PDS5A: variants seen among roughly 807,000 people sequenced by gnomAD.
PDS5A encodes PDS5 cohesin associated factor A.
Under a neutral mutation model 167.1 loss-of-function variants are expected in PDS5A, and 42 were observed. That is an observed-to-expected ratio of 0.25 (90% CI 0.20 to 0.33). PDS5A has a LOEUF of 0.33. Ranked by LOEUF, PDS5A falls within the 10% of genes least tolerant of loss-of-function variation. The pLI is 1.00. For missense variants in PDS5A, 1,033 were observed against 1,605.9 expected, an observed-to-expected ratio of 0.64 and a Z score of 6.10; for synonymous variants, 553 against 554.6, an observed-to-expected ratio of 1.00 and a Z score of 0.04.
At chr4:39,877,831 C>A (rs545795064) in intron 18 of PDS5A, among the ~76,000 whole-genome samples, 1 of 152,008 alleles carries the variant, frequency 6.6e-6, no homozygotes, top group Non-Finnish European at 1.5e-5. Context: ...GGTCTCCAAC[C>A]CCTGTGCTCA....
chr4:39,968,641 A>T (rs1379215505), intron 2 of PDS5A, among the ~76,000 whole-genome samples: 1 of 151,740 alleles, frequency 6.6e-6, no homozygotes, highest in Non-Finnish European at 1.5e-5. Flanking sequence ...CACGTTGGTC[A>T]GGCTGGTCTC....
chr4:39,925,886 A>C lies in PDS5A; in HGVS notation c.477T>G (p.Asp159Glu). 1 of 1,518,938 alleles carries C rather than the reference A, an allele frequency of 6.6e-7. No homozygotes were observed. Among genetic ancestry groups the C allele is most frequent in the Non-Finnish European group, 9.0e-7 (1 of 1,110,464 alleles). 94.1% of individuals were successfully genotyped at this position (1,518,938 alleles called of 1,614,324 possible). A position where few individuals can be genotyped will look rare whatever the true frequency, so the allele number is the denominator to read the frequency against. Residue 159 changes from aspartate (D) to glutamate (E), a missense_variant, in exon 5 of 33, where the codon GAT becomes GAG. Transcript: ENST00000303538. Reference sequence around the variant, plus strand: ...AAAGCTGAATAAAAATTTCATTGCAATCTTCCAATTCAAAGCAGATGTTAT... The same window carrying C: ...AAAGCTGAATAAAAATTTCATTGCACTCTTCCAATTCAAAGCAGATGTTAT... ...KSYNICFELEDCNEIFIQLFR... is the reference protein window; with the variant it reads ...KSYNICFELEECNEIFIQLFR...
intron 6 of PDS5A, among the ~76,000 whole-genome samples, chr4:39,922,087 A>G (rs1008489716): frequency 2.6e-5 from 4 of 152,196 alleles, no homozygotes; most frequent in Non-Finnish European, 4.4e-5. Flanking sequence ...AGGGCAGCCA[A>G]GTCCTTCAGA....
intron 3 of PDS5A, among the ~76,000 whole-genome samples, 152 bp from the exon 4 acceptor site, chr4:39,927,013 A>G (rs908663779): frequency 6.6e-6 from 1 of 152,212 alleles, no homozygotes. Context: ...TCCATTATTC[A>G]AAATGATTCA....
At position 39,890,431 on chromosome 4, in the gene PDS5A, T is replaced by C. The variant is rs181488922; in HGVS notation, c.1771-67A>G. The C allele has an allele frequency of 9.4e-6, 8 of 850,312 alleles. No homozygotes were observed. In the Admixed American group the frequency reaches 1.5e-4, roughly 16 times the overall value. 52.7% of individuals were successfully genotyped at this position (850,312 alleles called of 1,614,324 possible). On this transcript the variant is annotated intron_variant, in intron 16 of 32. Transcript: ENST00000303538. ...TCATATTTTTGAAAAGAAAAATGACTAAGGAACTGAAATATTCAAAACCAG... is the reference window on the plus strand; with the variant it reads ...TCATATTTTTGAAAAGAAAAATGACCAAGGAACTGAAATATTCAAAACCAG...
At chr4:39,904,292 C>A in intron 11 of PDS5A, 101 bp from the exon 12 acceptor site, 1 of 606,304 alleles carries the variant, frequency 1.6e-6, no homozygotes, top group South Asian at 3.7e-5. Flanking sequence ...CTTATGTGTG[C>A]CTTTATAAAC....
intron 22 of PDS5A, among the ~76,000 whole-genome samples, chr4:39,867,771 CACA>C (rs771921411): frequency 0.047 from 6,379 of 134,996 alleles, 270 homozygotes; most frequent in African/African-American, 0.13. Flanking sequence ...CACACACACA[CACA>C]CCCCACAACT....
At chr4:39,925,974 C>T (rs1243522905) in intron 4 of PDS5A, 41 bp from the exon 5 acceptor site, 3 of 615,342 alleles carry the variant, frequency 4.9e-6, no homozygotes, top group Non-Finnish European at 7.6e-6. Context: ...TACATATATA[C>T]AGAATAGTTA....
chr4:39,863,186 A>G lies in PDS5A; in HGVS notation c.2767-113T>C. On this transcript the variant is annotated intron_variant, in intron 24 of 32. Transcript: ENST00000303538. Reference sequence around the variant, plus strand: ...AGAAGATAATTATATGGGAGAATAAATAATGTAATAATTGGAAGACAGTTA... The same window carrying G: ...AGAAGATAATTATATGGGAGAATAAGTAATGTAATAATTGGAAGACAGTTA... The G allele has an allele frequency of 1.9e-5, 18 of 935,592 alleles. No homozygotes were observed. In the South Asian group the frequency reaches 3.0e-4, roughly 15 times the overall value. 58.0% of individuals were successfully genotyped at this position (935,592 alleles called of 1,614,324 possible). A position where few individuals can be genotyped will look rare whatever the true frequency, so the allele number is the denominator to read the frequency against.
At chr4:39,949,343 G>A (rs955114589) in intron 2 of PDS5A, among the ~76,000 whole-genome samples, 7 of 150,176 alleles carry the variant, frequency 4.7e-5, no homozygotes, top group African/African-American at 1.7e-4. Flanking sequence ...ATGACTGGGC[G>A]AAATGTTATG....
At chr4:39,946,403 G>A (rs1227400389) in intron 2 of PDS5A, among the ~76,000 whole-genome samples, 2 of 151,896 alleles carry the variant, frequency 1.3e-5, no homozygotes, top group Non-Finnish European at 2.9e-5. Flanking sequence ...AGCAGACAGT[G>A]GCAGAGAAGC....
At chr4:39,877,222 C>A in intron 18 of PDS5A, 69 bp from the exon 19 acceptor site, 2 of 971,066 alleles carry the variant, frequency 2.1e-6, no homozygotes, top group Admixed American at 2.8e-5. Context: ...AATTACTTCC[C>A]GCAAAAGAAA....
intron 2 of PDS5A, among the ~76,000 whole-genome samples, chr4:39,964,691 T>C (rs928829595): frequency 6.6e-6 from 1 of 151,908 alleles, no homozygotes; most frequent in African/African-American, 2.4e-5. Context: ...CAAGACTCCA[T>C]CTCAAAAAAT....
intron 2 of PDS5A, among the ~76,000 whole-genome samples, chr4:39,965,552 A>G (rs1030141943): frequency 5.3e-5 from 8 of 152,250 alleles, no homozygotes; most frequent in African/African-American, 1.7e-4. Flanking sequence ...ATACAATGGA[A>G]TATTATTCAG....
At chr4:39,845,908 A>G (rs889092192) in intron 28 of PDS5A, 28 bp from the exon 29 acceptor site, 2 of 1,320,580 alleles carry the variant, frequency 1.5e-6, no homozygotes, top group Non-Finnish European at 2.0e-6. Flanking sequence ...GAAAAAGAAA[A>G]AAGAAACACC....
Position 39,876,996 on chromosome 4 carries a change from C to T in PDS5A, c.2150G>A (p.Arg717Gln). Residue 717 changes from arginine to glutamine, a missense_variant, in exon 19 of 33, where the codon CGA becomes CAA. By Grantham distance (43) the Arg-to-Gln change is conservative (BLOSUM62 1). Coordinates refer to ENST00000303538, the MANE Select transcript of PDS5A (RefSeq NM_001100399.2). Reference sequence around the variant, plus strand: ...ACGGGAGAAAAAATGTACTCACGATCGTATCTGGGGAAGGTCTGTTTCTAT... The same window carrying T: ...ACGGGAGAAAAAATGTACTCACGATTGTATCTGGGGAAGGTCTGTTTCTAT... ...HKIETDLPQIRSTLIPILHQK... is the reference protein window; with the variant it reads ...HKIETDLPQIQSTLIPILHQK... 1 of 1,605,928 alleles carries T rather than the reference C, an allele frequency of 6.2e-7. No individual in the cohort carries two copies. Among genetic ancestry groups the T allele is most frequent in the Non-Finnish European group, 8.5e-7 (1 of 1,175,908 alleles).
In PDS5A at chr4:39,920,300, C is replaced by A; in HGVS notation, c.735+19G>T. 4 of 1,071,424 alleles carry A rather than the reference C, an allele frequency of 3.7e-6. No individual in the cohort carries two copies. The highest frequency in any genetic ancestry group is 2.5e-5 in the East Asian group (1 of 39,900). The allele number at this position is 1,071,424 out of a possible 1,614,324, so 66.4% of individuals were successfully genotyped here. A position where few individuals can be genotyped will look rare whatever the true frequency, so the allele number is the denominator to read the frequency against. On this transcript the variant is annotated intron_variant, in intron 7 of 32. Coordinates refer to ENST00000303538, the MANE Select transcript of PDS5A (RefSeq NM_001100399.2). ...TAAGAATTACAAAATATAGAATAAACATAGAAAGAAATACATACATTAGCA... is the reference window on the plus strand; with the variant it reads ...TAAGAATTACAAAATATAGAATAAAAATAGAAAGAAATACATACATTAGCA...
Position 39,824,622 on chromosome 4 carries a change from CATT to C in PDS5A, c.*860_*862del, listed in dbSNP as rs1306567662. On this transcript the variant is annotated 3_prime_UTR_variant, in exon 33 of 33. Transcript: ENST00000303538. Reference sequence around the variant, plus strand: ...ACATTAATAAAAATCTGGTGACAAACATTATAAAACCAAATGCTGGACAGTCTT... The same window carrying C: ...ACATTAATAAAAATCTGGTGACAAACATAAAACCAAATGCTGGACAGTCTT... 1.3e-5 allele frequency: 2 copies of C among 152,538 alleles called. No homozygotes were observed. The highest frequency in any genetic ancestry group is 1.9e-4 in the East Asian group (1 of 5,200). The allele number at this position is 152,538 out of a possible 1,614,324, so 9.4% of individuals were successfully genotyped here. A position where few individuals can be genotyped will look rare whatever the true frequency, so the allele number is the denominator to read the frequency against.
At chr4:39,885,304 G>A (rs796958888) in intron 17 of PDS5A, among the ~76,000 whole-genome samples, 2 of 142,266 alleles carry the variant, frequency 1.4e-5, no homozygotes, top group African/African-American at 5.1e-5. Context: ...GAGAAGAGAA[G>A]AGAAGAGAAA....
Sources: gnomAD v4.1 joint callset for allele counts (sites outside exome capture counted in the v4.1 genomes callset) on GRCh38, gnomAD v4.1.1 for gene constraint, MANE v1.5 for transcripts, NCBI Gene and HGNC (gene_info 2026-07-23, HGNC 2026-07-21) for gene names.